The following TTC6 variants were observed in gnomAD, a reference collection of about 807,000 sequenced individuals.
TTC6 encodes tetratricopeptide repeat protein 6.
TTC6 carries 172 observed loss-of-function variants against 210.4 expected under a neutral mutation model. That is an observed-to-expected ratio of 0.82 (90% CI 0.72 to 0.93). TTC6 has a LOEUF of 0.93. TTC6 is among the 40% of genes least tolerant of loss of function. The pLI, the probability that TTC6 is intolerant of heterozygous loss-of-function variation, is 0.00. For synonymous variants in TTC6, 804 were observed against 819.6 expected, an observed-to-expected ratio of 0.98 and a Z score of 0.32; for missense variants, 2,414 against 2,318.1, an observed-to-expected ratio of 1.04 and a Z score of -0.85.
At chr14:37,822,665 T>C (rs1437282668) in intron 26 of TTC6, among the ~76,000 whole-genome samples, 3 of 152,204 alleles carry the variant, frequency 2.0e-5, no homozygotes, top group Non-Finnish European at 4.4e-5. Context: ...CTGGCTACCT[T>C]GTTGAGATAC....
chr14:37,616,222 T>C (rs1301327706), intron 2 of TTC6, among the ~76,000 whole-genome samples: 2 of 152,224 alleles, frequency 1.3e-5, no homozygotes, highest in African/African-American at 4.8e-5. Context: ...TCTGGGTCTC[T>C]TCCTTCTGGA....
chr14:37,781,363 A>C (rs2096054228), intron 14 of TTC6, among the ~76,000 whole-genome samples: 1 of 152,014 alleles, frequency 6.6e-6, no homozygotes, highest in South Asian at 2.1e-4. Context: ...TTTGATTTGC[A>C]TTTCTCTAAT....
chr14:37,689,597 GA>G (rs1282482482), intron 3 of TTC6, among the ~76,000 whole-genome samples: 1 of 152,060 alleles, frequency 6.6e-6, no homozygotes, highest in Non-Finnish European at 1.5e-5. Flanking sequence ...ACATACAATA[GA>G]GCTCCAATAT....
At chr14:37,625,653 G>T in intron 1 of TTC6, among the ~76,000 whole-genome samples, 1 of 151,872 alleles carries the variant, frequency 6.6e-6, no homozygotes, top group Non-Finnish European at 1.5e-5. Context: ...TGTTTTAAAC[G>T]TTTGGGGCTT....
intron 15 of TTC6, among the ~76,000 whole-genome samples, chr14:37,788,019 A>G (rs758577396): frequency 2.5e-4 from 38 of 151,880 alleles, no homozygotes; most frequent in Non-Finnish European, 4.1e-4. Flanking sequence ...CCTGTTTCCT[A>G]GTCAGCTTGC....
chr14:37,709,664 C>A (rs895359838), intron 5 of TTC6, among the ~76,000 whole-genome samples: 4 of 129,716 alleles, frequency 3.1e-5, no homozygotes, highest in Admixed American at 1.7e-4. Flanking sequence ...ATTACAAATA[C>A]AATTTTCCCC....
rs115825308 is a variant in TTC6, at chr14:37,686,401, C to T, written c.1257+3437C>T. Among the ~76,000 whole-genome samples, 661 of 152,264 alleles carry T rather than the reference C, an allele frequency of 4.3e-3. 8 individuals are homozygous for T. In the Middle Eastern group the frequency reaches 0.061, roughly 14 times the overall value. On this transcript the variant is annotated intron_variant, in intron 3 of 30. Coordinates refer to ENST00000553443, the Ensembl canonical transcript of TTC6. The stretch of plus-strand genomic sequence containing the variant: ...ATGTTGGTTTTGTAGAGGAGATTGT[C>T]GTCAGGTGGACTACTAAATGGATTT...
intron 1 of TTC6, among the ~76,000 whole-genome samples, chr14:37,630,692 C>T (rs1364036345): frequency 6.6e-6 from 1 of 151,824 alleles, no homozygotes; most frequent in Admixed American, 6.6e-5. Context: ...TTAAATTCTC[C>T]CACTATTATT....
intron 14 of TTC6, among the ~76,000 whole-genome samples, chr14:37,756,805 T>C (rs1453456604): frequency 6.6e-6 from 1 of 151,880 alleles, no homozygotes; most frequent in African/African-American, 2.4e-5. Context: ...GACCTGAAAT[T>C]TTCTTTTTTT....
chr14:37,701,499 G>A lies in TTC6; in HGVS notation c.1544G>A (p.Arg515His), dbSNP rs779381091. 27 of 1,500,898 alleles carry A rather than the reference G, an allele frequency of 1.8e-5. No homozygotes were observed. In the East Asian group the frequency reaches 3.0e-4, roughly 16 times the overall value. 93.0% of individuals were successfully genotyped at this position (1,500,898 alleles called of 1,614,324 possible). A position where few individuals can be genotyped will look rare whatever the true frequency, so the allele number is the denominator to read the frequency against. The change falls in exon 5 of 31, where the codon CGC becomes CAC. Residue 515 changes from arginine to histidine, a missense_variant. Coordinates refer to ENST00000553443, the Ensembl canonical transcript of TTC6. ...TTTGGAACCTCTTTCTTAGATGATC[G>A]CTTTACAGATGAAGAACAAACAGAT... is the stretch of plus-strand genomic sequence containing the variant.
In TTC6 at chr14:37,727,520, C is replaced by G. The variant is rs535407196; in HGVS notation, c.1818+2518C>G. Among the ~76,000 whole-genome samples, 11 of 100,074 alleles carry G rather than the reference C, an allele frequency of 1.1e-4. 1 individual carries two copies. The highest frequency in any genetic ancestry group is 9.6e-4 in the Admixed American group (8 of 8,358). 65.7% of individuals were successfully genotyped at this position (100,074 alleles called of 152,430 possible). On this transcript the variant is annotated intron_variant, in intron 7 of 30. Transcript: ENST00000553443. ...GTTTTAGCTAGGATGGTCTTGATCT[C>G]CTGACCTTGTGATCCGCCCGCCTTG...
At chr14:37,809,857 T>TG (rs1456624210) in intron 24 of TTC6, among the ~76,000 whole-genome samples, 1 of 152,180 alleles carries the variant, frequency 6.6e-6, no homozygotes, top group Non-Finnish European at 1.5e-5. Flanking sequence ...CAGCTAGTCT[T>TG]GCGGTCTTTC....
chr14:37,600,564 A>G, intron 1 of TTC6, among the ~76,000 whole-genome samples: 1 of 151,794 alleles, frequency 6.6e-6, no homozygotes. Context: ...TTGGCTATTC[A>G]TATGTGATTA....
chr14:37,787,725 A>C (rs765050301), intron 15 of TTC6, 88 bp downstream of exon 17: 80 of 1,109,696 alleles, frequency 7.2e-5, no homozygotes, highest in Non-Finnish European at 8.5e-5. Flanking sequence ...ATGTGGGTTC[A>C]CTAATGTAAT....
At chr14:37,677,101 C>CT (rs1652849836) in intron 1 of TTC6, among the ~76,000 whole-genome samples, 1 of 151,852 alleles carries the variant, frequency 6.6e-6, no homozygotes, top group African/African-American at 2.4e-5. Context: ...GAAAAAAAGG[C>CT]CCTTGTTTTT....
intron 4 of TTC6, among the ~76,000 whole-genome samples, chr14:37,700,665 C>G (rs1286480392): frequency 7.0e-6 from 1 of 142,100 alleles, no homozygotes. Context: ...ATCACTTGAA[C>G]CTGGGAGGCG....
chr14:37,831,569 T>A (rs1400398288), intron 29 of TTC6, among the ~76,000 whole-genome samples: 4 of 151,892 alleles, frequency 2.6e-5, no homozygotes, highest in Non-Finnish European at 4.4e-5. Context: ...TCTGTATTCT[T>A]GCCAGACGTT....
chr14:37,772,628 T>C (rs12885310), intron 14 of TTC6: 5,151 of 153,696 alleles, frequency 0.034, 140 homozygotes, highest in Non-Finnish European at 0.052. Flanking sequence ...CCCCTTGCGC[T>C]TCCAGAGTGA....
At chr14:37,678,470 C>G (rs1443525213) in intron 1 of TTC6, among the ~76,000 whole-genome samples, 2 of 152,132 alleles carry the variant, frequency 1.3e-5, no homozygotes, top group Non-Finnish European at 1.5e-5. Flanking sequence ...CCTCAAGGAC[C>G]CTATGCCGAT....
Sources: allele counts gnomAD v4.1 joint callset (sites outside exome capture counted in the v4.1 genomes callset), GRCh38; gene constraint gnomAD v4.1.1; transcripts MANE v1.5; gene names NCBI Gene and HGNC (gene_info 2026-07-23, HGNC 2026-07-21).